Variants in MAB21L3 observed in about 807,000 individuals in gnomAD.
The protein encoded by MAB21L3 is protein mab-21-like 3.
A neutral mutation model predicts 37.7 loss-of-function variants in MAB21L3; 36 were observed. The observed-to-expected ratio is 0.96, with a 90% CI of 0.73 to 1.26. MAB21L3 has a LOEUF of 1.26. Among genes scored for constraint, MAB21L3 ranks in the 50% most tolerant of loss-of-function variants. The pLI is 0.00. For synonymous variants in MAB21L3, 186 were observed against 176.8 expected, an observed-to-expected ratio of 1.05 and a Z score of -0.41; for missense variants, 430 against 447.3, an observed-to-expected ratio of 0.96 and a Z score of 0.35.
Position 116,133,310 on chromosome 1 carries a change from C to G in MAB21L3, c.1034C>G (p.Thr345Ser), listed in dbSNP as rs201491619. The G allele has an allele frequency of 8.1e-6, 13 of 1,614,238 alleles. No homozygotes were observed. Among genetic ancestry groups the G allele is most frequent in the Non-Finnish European group, 1.0e-5 (12 of 1,180,030 alleles). Residue 345 changes from threonine (T) to serine (S), a missense_variant, in exon 8 of 8, where the codon ACT becomes AGT. Physicochemically the swap from Thr to Ser is moderately conservative, Grantham distance 58. Transcript: ENST00000369500. ...FQCTNPTELDTVAQKLATFLK... is the reference protein window; with the variant it reads ...FQCTNPTELDSVAQKLATFLK... ...TGCACCAACCCGACTGAACTGGACA[C>G]TGTGGCCCAAAAGCTGGCCACCTTC...
chr1:116,120,452 T>C (rs1238534556), intron 3 of MAB21L3, among the ~76,000 whole-genome samples: 1 of 150,546 alleles, frequency 6.6e-6, no homozygotes, highest in African/African-American at 2.5e-5. Context: ...CACACACATA[T>C]ATATATACAG....
Position 116,133,583 on chromosome 1 carries a change from G to A in MAB21L3, c.*218G>A. The A allele has an allele frequency of 3.4e-6, 2 of 592,456 alleles. No homozygotes were observed. The highest frequency in any genetic ancestry group is 5.6e-5 in the East Asian group (2 of 35,668). 36.7% of individuals were successfully genotyped at this position (592,456 alleles called of 1,614,324 possible). Reference sequence around the variant, plus strand: ...GAGCCCAGCAAGCATTTCTGCCCTAGCTAATTCTCCTGGAGACAGCTCTCA... The same window carrying A: ...GAGCCCAGCAAGCATTTCTGCCCTAACTAATTCTCCTGGAGACAGCTCTCA... On this transcript the variant is annotated 3_prime_UTR_variant, in exon 8 of 8. Coordinates refer to ENST00000369500, the MANE Select transcript of MAB21L3 (RefSeq NM_152367.3).
intron 7 of MAB21L3, among the ~76,000 whole-genome samples, chr1:116,132,404 C>T (rs893957849): frequency 1.3e-5 from 2 of 151,950 alleles, no homozygotes; most frequent in Non-Finnish European, 2.9e-5. Context: ...AGGGTGTGGG[C>T]GAGAGAACCA....
Position 116,128,215 on chromosome 1 carries a change from T to C in MAB21L3, c.731T>C (p.Val244Ala). ...CTGAGCTTCCTCCGTGCTGAGCAGG[T>C]GTTACTGGAACAGCTGGATGAAGAT... The part of the protein sequence containing the change: ...WQLSFLRAEQ[V>A]LLEQLDEDGG... The change falls in exon 7 of 8, where the codon GTG (valine) becomes GCG (alanine). Residue 244 changes from valine to alanine, a missense_variant. Val to Ala is a moderately conservative substitution (Grantham distance 64). Coordinates refer to ENST00000369500, the MANE Select transcript of MAB21L3 (RefSeq NM_152367.3). 1 of 1,614,064 alleles carries C rather than the reference T, an allele frequency of 6.2e-7. No individual in the cohort carries two copies. Among genetic ancestry groups the C allele is most frequent in the South Asian group, 1.1e-5 (1 of 91,060 alleles).
In MAB21L3 at chr1:116,134,551, G is replaced by C. The variant is rs1660163322; in HGVS notation, c.*1186G>C. The C allele has an allele frequency of 6.6e-6, 1 of 152,274 alleles. No homozygotes were observed. Among genetic ancestry groups the C allele is most frequent in the African/African-American group, 2.4e-5 (1 of 41,460 alleles). The allele number at this position is 152,274 out of a possible 1,614,324, so 9.4% of individuals were successfully genotyped here. A position where few individuals can be genotyped will look rare whatever the true frequency, so the allele number is the denominator to read the frequency against. On this transcript the variant is annotated 3_prime_UTR_variant, in exon 8 of 8. Coordinates refer to ENST00000369500, the MANE Select transcript of MAB21L3 (RefSeq NM_152367.3). ...GACCAAAGGCAGGCATGGTGGGGCT[G>C]GCATGAGTCAGAGCACCTGGCCTTG...
intron 3 of MAB21L3, among the ~76,000 whole-genome samples, chr1:116,115,005 A>C (rs539513153): frequency 2.0e-5 from 3 of 152,344 alleles, no homozygotes; most frequent in African/African-American, 7.2e-5. Context: ...TTTGGGGAGC[A>C]GAACAGGGCA....
chr1:116,130,216 C>A (rs1207873024), intron 7 of MAB21L3, among the ~76,000 whole-genome samples: 2 of 152,322 alleles, frequency 1.3e-5, no homozygotes, highest in Non-Finnish European at 2.9e-5. Flanking sequence ...ATCTCCCAGC[C>A]ATGGCTGCTT....
chr1:116,119,236 A>G (rs61788523), intron 3 of MAB21L3, among the ~76,000 whole-genome samples: 205 of 152,344 alleles, frequency 1.3e-3, no homozygotes, highest in Non-Finnish European at 2.1e-3. Flanking sequence ...TATCTTGTGC[A>G]TTGCTGTGTT....
chr1:116,133,177 T>TG lies in MAB21L3; in HGVS notation c.903dup (p.Gln302AlafsTer41). The TG allele has an allele frequency of 1.2e-6, 2 of 1,614,232 alleles. No individual in the cohort carries two copies. Among genetic ancestry groups the TG allele is most frequent in the Non-Finnish European group, 1.7e-6 (2 of 1,180,034 alleles). On this transcript the variant is annotated frameshift_variant, in exon 8 of 8. Coordinates refer to ENST00000369500, the MANE Select transcript of MAB21L3 (RefSeq NM_152367.3). LOFTEE classifies it high-confidence loss of function. Reference sequence around the variant, plus strand: ...CGAGAAATATCCCCACTTTAAAGACTGGCAGGTCTTCAGCAAAGCATTTCT... The same window carrying TG: ...CGAGAAATATCCCCACTTTAAAGACTGGGCAGGTCTTCAGCAAAGCATTTCT...
In MAB21L3 at chr1:116,111,500, A is replaced by C. The variant is rs1659423050; in HGVS notation, c.-402A>C. The stretch of plus-strand genomic sequence containing the variant: ...GCTTGGAAACACTTGCCTTTGGAAC[A>C]TTGTTTAAAAGTAAGTAGTGCTCCC... On this transcript the variant is annotated 5_prime_UTR_variant, in exon 1 of 8. Transcript: ENST00000369500. Among the ~76,000 whole-genome samples the C allele has an allele frequency of 2.0e-5, 3 of 152,130 alleles. No homozygotes were observed. Among genetic ancestry groups the C allele is most frequent in the African/African-American group, 7.2e-5 (3 of 41,412 alleles).
Position 116,115,513 on chromosome 1 carries a change from T to C in MAB21L3, c.48+2850T>C, listed in dbSNP as rs533494622. ...TTCTGGAATTAAAGGTCTGACTTCTTGTTTTCTGGAAGGAAGTCCTCAGCC... is the reference window on the plus strand; with the variant it reads ...TTCTGGAATTAAAGGTCTGACTTCTCGTTTTCTGGAAGGAAGTCCTCAGCC... On this transcript the variant is annotated intron_variant, in intron 3 of 7. Transcript: ENST00000369500. Among the ~76,000 whole-genome samples, 16 of 152,358 alleles carry C rather than the reference T, an allele frequency of 1.1e-4. No homozygotes were observed. The East Asian group carries it at 1.7e-3, about 17-fold the overall frequency.
rs137872552 is a variant in MAB21L3 at position 116,127,496 on chromosome 1, C to T, written c.512C>T (p.Ala171Val). 6.2e-7 allele frequency: 1 copy of T among 1,614,124 alleles called. No homozygotes were observed. The highest frequency in any genetic ancestry group is 2.2e-5 in the East Asian group (1 of 44,880). ...GKVSLLGNRS[A>V]VWVAVETSAY... Reference sequence around the variant, plus strand: ...GTCAGCCTGCTAGGAAACCGCTCTGCAGTTTGGGTTGCTGTGGAAACATCT... The same window carrying T: ...GTCAGCCTGCTAGGAAACCGCTCTGTAGTTTGGGTTGCTGTGGAAACATCT... Residue 171 changes from alanine (A) to valine (V), a missense_variant, in exon 6 of 8, where the codon GCA (alanine) becomes GTA (valine). Transcript: ENST00000369500.
At position 116,111,511 on chromosome 1, in the gene MAB21L3, G is replaced by C. The variant is rs1288905062; in HGVS notation, c.-392+1G>C. Among the ~76,000 whole-genome samples the C allele has an allele frequency of 6.6e-6, 1 of 152,164 alleles. No individual in the cohort carries two copies. Among genetic ancestry groups the C allele is most frequent in the African/African-American group, 2.4e-5 (1 of 41,432 alleles). Reference sequence around the variant, plus strand: ...CTTGCCTTTGGAACATTGTTTAAAAGTAAGTAGTGCTCCCAGAAGGGCTGT... The same window carrying C: ...CTTGCCTTTGGAACATTGTTTAAAACTAAGTAGTGCTCCCAGAAGGGCTGT... On this transcript the variant is annotated splice_donor_variant, in intron 1 of 7. Coordinates refer to ENST00000369500, the MANE Select transcript of MAB21L3 (RefSeq NM_152367.3). LOFTEE classifies it low-confidence loss of function (5UTR_SPLICE).
At chr1:116,116,925 C>T (rs190778494) in intron 3 of MAB21L3, among the ~76,000 whole-genome samples, 5 of 152,090 alleles carry the variant, frequency 3.3e-5, no homozygotes, top group East Asian at 1.9e-4. Context: ...TCCAGGAGTG[C>T]GTGATCTTGT....
chr1:116,138,003 T>C lies in MAB21L3; in HGVS notation c.*4638T>C, dbSNP rs55672883. Among the ~76,000 whole-genome samples the C allele has an allele frequency of 0.18, 25,355 of 139,738 alleles. 3,041 individuals carry two copies. The highest frequency in any genetic ancestry group is 0.33 in the African/African-American group (12,181 of 36,430). The allele number at this position is 139,738 out of a possible 152,430, so 91.7% of individuals were successfully genotyped here. ...TGGGGGGAGGGGGGAGGGATAGCAT[T>C]GGGAGATATACCTAATGCTAGATGA... On this transcript the variant is annotated 3_prime_UTR_variant, in exon 8 of 8. Coordinates refer to ENST00000369500, the MANE Select transcript of MAB21L3 (RefSeq NM_152367.3).
rs745874548 is a variant in MAB21L3 at position 116,133,473 on chromosome 1, G to A, written c.*108G>A. ...GGATCCTGCCTAGGAGAAAGGCCACGAATGGCAGCGGAAATTACATCAAAC... is the reference window on the plus strand; with the variant it reads ...GGATCCTGCCTAGGAGAAAGGCCACAAATGGCAGCGGAAATTACATCAAAC... On this transcript the variant is annotated 3_prime_UTR_variant, in exon 8 of 8. Coordinates refer to ENST00000369500, the MANE Select transcript of MAB21L3 (RefSeq NM_152367.3). The A allele has an allele frequency of 9.0e-5, 84 of 931,278 alleles. No individual in the cohort carries two copies. Among genetic ancestry groups the A allele is most frequent in the Non-Finnish European group, 1.3e-4 (77 of 610,534 alleles). 57.7% of individuals were successfully genotyped at this position (931,278 alleles called of 1,614,324 possible).
chr1:116,127,186 C>T (rs562055826), intron 5 of MAB21L3, among the ~76,000 whole-genome samples: 2 of 152,184 alleles, frequency 1.3e-5, no homozygotes, highest in African/African-American at 4.8e-5. Context: ...AGAAAAGGTA[C>T]CCCAAATGCC....
intron 7 of MAB21L3, among the ~76,000 whole-genome samples, chr1:116,129,093 CT>C (rs1407332035): frequency 6.6e-6 from 1 of 152,234 alleles, no homozygotes; most frequent in Non-Finnish European, 1.5e-5. Flanking sequence ...ACTCATGGCA[CT>C]TCTGGTCTAG....
At chr1:116,125,852 A>G (rs1659894879) in intron 5 of MAB21L3, among the ~76,000 whole-genome samples, 1 of 140,068 alleles carries the variant, frequency 7.1e-6, no homozygotes, top group Non-Finnish European at 1.6e-5. Flanking sequence ...AAGCAGAGCC[A>G]GCTGCAGGGC....
Sources: allele counts gnomAD v4.1 joint callset (sites outside exome capture counted in the v4.1 genomes callset), GRCh38; gene constraint gnomAD v4.1.1; transcripts MANE v1.5; gene names NCBI Gene and HGNC (gene_info 2026-07-23, HGNC 2026-07-21).